The following CACNA1C variants were observed in gnomAD, a reference collection of about 807,000 sequenced individuals.
CACNA1C encodes calcium voltage-gated channel subunit alpha1 C.
A neutral mutation model predicts 229.0 loss-of-function variants in CACNA1C; 30 were observed. The ratio of observed to expected loss-of-function variants is 0.13; its 90% CI spans 0.10 to 0.18. The LOEUF (loss-of-function observed/expected upper bound fraction) is 0.18, where lower values mean the gene tolerates loss of function less well. CACNA1C is among the 10% of genes least tolerant of loss of function. The probability of loss-of-function intolerance (pLI) is 1.00; values close to 1 mark genes in which losing one functional copy is unlikely to be tolerated. For synonymous variants in CACNA1C, 1,114 were observed against 1,132.5 expected (o/e 0.98, Z 0.33); for missense variants, 1,658 against 2,845.0 (o/e 0.58, Z 9.49).
At chr12:2,388,730 G>A (rs1270846261) in intron 3 of CACNA1C, among the ~76,000 whole-genome samples, 1 of 152,124 alleles carries the variant, frequency 6.6e-6, no homozygotes, top group Admixed American at 6.5e-5. Context: ...GGAGTTGACA[G>A]TGCCTATGAC....
At chr12:2,560,359 G>A (rs1348522676) in intron 11 of CACNA1C, among the ~76,000 whole-genome samples, 1 of 152,190 alleles carries the variant, frequency 6.6e-6, no homozygotes, top group Non-Finnish European at 1.5e-5. Context: ...AAAACAGAAT[G>A]ATCCAAAGTC....
At chr12:2,267,555 C>T (rs1454867495) in intron 3 of CACNA1C, among the ~76,000 whole-genome samples, 1 of 152,188 alleles carries the variant, frequency 6.6e-6, no homozygotes, top group African/African-American at 2.4e-5. Flanking sequence ...TAACGGCCTC[C>T]AGCCATGCCC....
At chr12:2,424,254 T>C (rs994900) in intron 3 of CACNA1C, among the ~76,000 whole-genome samples, 111,818 of 151,976 alleles carry the variant, frequency 0.74, 41,345 homozygotes, top group Admixed American at 0.8. Context: ...AGTGAAGGCA[T>C]TCAGAATGCA....
intron 10 of CACNA1C, 60 bp downstream of exon 10, chr12:2,550,093 T>C: frequency 8.5e-7 from 1 of 1,174,116 alleles, no homozygotes; most frequent in Non-Finnish European, 1.2e-6. Context: ...GTGGAAAAGC[T>C]GCATCTGGAA....
intron 3 of CACNA1C, among the ~76,000 whole-genome samples, chr12:2,276,925 A>G (rs2088477776): frequency 6.6e-6 from 1 of 152,146 alleles, no homozygotes; most frequent in South Asian, 2.1e-4. Flanking sequence ...AAGGTCTCAG[A>G]CATAAACTCT....
intron 3 of CACNA1C, among the ~76,000 whole-genome samples, chr12:2,234,275 A>T (rs1456893542): frequency 6.6e-6 from 1 of 152,142 alleles, no homozygotes; most frequent in Non-Finnish European, 1.5e-5. Flanking sequence ...GTGTTAAATT[A>T]TGTCTTTTGT....
At chr12:2,278,346 T>A (rs1006975261) in intron 3 of CACNA1C, among the ~76,000 whole-genome samples, 2 of 152,238 alleles carry the variant, frequency 1.3e-5, no homozygotes, top group Admixed American at 1.3e-4. Flanking sequence ...ATCAGTGCAA[T>A]CAAGAGGGTG....
chr12:2,677,207 G>T lies in CACNA1C; in HGVS notation c.4942G>T (p.Ala1648Ser). The T allele has an allele frequency of 6.2e-7, 1 of 1,613,710 alleles. No individual in the cohort carries two copies. The highest frequency in any genetic ancestry group is 8.5e-7 in the Non-Finnish European group (1 of 1,179,814). Residue 1648 changes from alanine to serine, a missense_variant, in exon 40 of 47, where the codon GCG (alanine) becomes TCG (serine). By Grantham distance (99) the Ala-to-Ser change is moderately conservative. Coordinates refer to ENST00000399655, the MANE Select transcript of CACNA1C (RefSeq NM_000719.7). The surrounding 1 kb of genome is among the most constrained non-coding windows in gnomAD (Gnocchi z 7.4). ...TGTGGGCAAGCCCTCCCAGAGGAAC[G>T]CGCTGTCTCTGCAGGTGAGGGCCTG... is the stretch of plus-strand genomic sequence containing the variant. ...GLVGKPSQRNALSLQAGLRTL... is the reference protein window; with the variant it reads ...GLVGKPSQRNSLSLQAGLRTL...
intron 3 of CACNA1C, among the ~76,000 whole-genome samples, chr12:2,447,325 G>A (rs964144553): frequency 6.6e-6 from 1 of 152,170 alleles, no homozygotes; most frequent in Non-Finnish European, 1.5e-5. Flanking sequence ...ACAAAAATGG[G>A]CAGGAAGGGA....
chr12:2,475,666 C>CTG (rs1215227030), intron 5 of CACNA1C, among the ~76,000 whole-genome samples: 1 of 152,206 alleles, frequency 6.6e-6, no homozygotes, highest in Non-Finnish European at 1.5e-5. Context: ...GGGAAAAATA[C>CTG]TGATAATCAA....
intron 9 of CACNA1C, among the ~76,000 whole-genome samples, chr12:2,516,051 G>T (rs1271823929): frequency 2.0e-5 from 3 of 152,052 alleles, no homozygotes; most frequent in East Asian, 3.9e-4. Flanking sequence ...TGCCAGAGAG[G>T]GGGGAAGCAG....
intron 3 of CACNA1C, among the ~76,000 whole-genome samples, chr12:2,408,102 A>T (rs1032326312): frequency 1.9e-4 from 29 of 152,232 alleles, no homozygotes; most frequent in Admixed American, 1.9e-3. Flanking sequence ...ACATGGGTGA[A>T]CCTTGAAAAC....
chr12:2,561,047 C>T (rs575361210), intron 11 of CACNA1C, among the ~76,000 whole-genome samples: 105 of 152,186 alleles, frequency 6.9e-4, no homozygotes, highest in Non-Finnish European at 1.2e-3. Flanking sequence ...ATCTTCAAGC[C>T]TTGTCTTCCA....
chr12:2,273,448 G>A (rs532321135), intron 3 of CACNA1C, among the ~76,000 whole-genome samples: 15 of 152,138 alleles, frequency 9.9e-5, no homozygotes, highest in Non-Finnish European at 1.9e-4. Flanking sequence ...GGGAAGTACA[G>A]GGCTGGCAGA....
chr12:2,674,621 C>A lies in CACNA1C; in HGVS notation c.4807C>A (p.Gln1603Lys). Reference protein sequence around the residue: ...WKRTSMKLLDQVVPPAGDDEV... With the variant: ...WKRTSMKLLDKVVPPAGDDEV... The stretch of plus-strand genomic sequence containing the variant: ...GCGGACCAGCATGAAGCTGCTGGAC[C>A]AGGTGGTGCCCCCTGCAGGTGGTGA... Residue 1603 changes from glutamine to lysine, a missense_variant, in exon 39 of 47, where the codon CAG becomes AAG. By Grantham distance (53) the Gln-to-Lys change is moderately conservative. Coordinates refer to ENST00000399655, the MANE Select transcript of CACNA1C (RefSeq NM_000719.7). The A allele has an allele frequency of 6.4e-7, 1 of 1,569,948 alleles. No individual in the cohort carries two copies. The highest frequency in any genetic ancestry group is 2.3e-5 in the East Asian group (1 of 42,562).
Position 2,189,242 on chromosome 12 carries a change from G to T in CACNA1C, c.477+68812G>T, listed in dbSNP as rs75186462. On this transcript the variant is annotated intron_variant, in intron 3 of 46. Transcript: ENST00000399655. ...CCATTGTGTGGATCTGGTGTAACCT[G>T]ATACAGGATTTCTCCCCTTGCCCAG... is the stretch of plus-strand genomic sequence containing the variant. Among the ~76,000 whole-genome samples the T allele has an allele frequency of 5.9e-3, 888 of 151,466 alleles. 9 individuals carry two copies. The highest frequency in any genetic ancestry group is 0.024 in the Middle Eastern group (7 of 294).
At chr12:2,329,169 C>G (rs781695197) in intron 3 of CACNA1C, among the ~76,000 whole-genome samples, 3 of 152,178 alleles carry the variant, frequency 2.0e-5, no homozygotes, top group Non-Finnish European at 4.4e-5. Context: ...CACCGCAGAT[C>G]GATGCTGCTG....
chr12:2,135,682 G>T (rs1347289267), intron 3 of CACNA1C, among the ~76,000 whole-genome samples: 4 of 144,850 alleles, frequency 2.8e-5, no homozygotes, highest in Non-Finnish European at 6.0e-5. Flanking sequence ...CTCCAGCCGC[G>T]TGCTGGGAGA....
At chr12:2,004,184 C>A (rs1281907442) in intron 1 of CACNA1C, 2 of 1,535,860 alleles carry the variant, frequency 1.3e-6, no homozygotes, top group South Asian at 2.4e-5. Flanking sequence ...AGGGCGTCAA[C>A]GTCTCCTCCC....
Sources: gnomAD v4.1 joint callset for allele counts (sites outside exome capture counted in the v4.1 genomes callset) on GRCh38, gnomAD v4.1.1 for gene constraint, Gnocchi (gnomAD v3.1) non-coding constraint, MANE v1.5 for transcripts, NCBI Gene and HGNC (gene_info 2026-07-23, HGNC 2026-07-21) for gene names.